PYROXD2: variants seen among roughly 807,000 people sequenced by gnomAD.
PYROXD2 encodes pyridine nucleotide-disulphide oxidoreductase domain 2.
PYROXD2 carries 69 observed loss-of-function variants against 71.1 expected under a neutral mutation model. The ratio of observed to expected loss-of-function variants is 0.97; its 90% CI spans 0.80 to 1.19. The LOEUF (loss-of-function observed/expected upper bound fraction) is 1.19. Ranked by LOEUF, PYROXD2 falls within the 50% of genes most tolerant of loss-of-function variation. PYROXD2 has a pLI of 0.00. For missense variants in PYROXD2, 745 were observed against 748.9 expected, an observed-to-expected ratio of 0.99 and a Z score of 0.06; for synonymous variants, 287 against 302.7, an observed-to-expected ratio of 0.95 and a Z score of 0.54.
intron 14 of PYROXD2, among the ~76,000 whole-genome samples, chr10:98,386,123 A>G (rs1157844914): frequency 6.6e-6 from 1 of 152,020 alleles, no homozygotes; most frequent in Non-Finnish European, 1.5e-5. Flanking sequence ...AAAAAAAAAA[A>G]AAAATTAGCC....
At position 98,391,907 on chromosome 10, in the gene PYROXD2, C is replaced by T. The variant is rs117590707; in HGVS notation, c.1062+525G>A. Among the ~76,000 whole-genome samples, 924 of 152,220 alleles carry T rather than the reference C, an allele frequency of 6.1e-3. 15 individuals carry two copies. The East Asian group carries it at 0.065, about 11-fold the overall frequency. On this transcript the variant is annotated intron_variant, in intron 10 of 15. Coordinates refer to ENST00000370575, the MANE Select transcript of PYROXD2 (RefSeq NM_032709.3). ...TCCCAGGCACATGAAGGAGTCCCGC[C>T]AAGATCAGCAGCCGGCAAGCTGACC...
chr10:98,383,981 G>C (rs887128082), intron 15 of PYROXD2, 113 bp from the exon 16 acceptor site: 2 of 909,424 alleles, frequency 2.2e-6, no homozygotes, highest in African/African-American at 1.6e-5. Flanking sequence ...TGGTTAGAGG[G>C]GTCCGGGGGC....
At chr10:98,404,449 T>C (rs115440664) in intron 4 of PYROXD2, among the ~76,000 whole-genome samples, 2,625 of 152,306 alleles carry the variant, frequency 0.017, 81 homozygotes, top group African/African-American at 0.058. Context: ...GTTTTTCTTT[T>C]AACAATAGGT....
chr10:98,383,617 G>T lies in PYROXD2; in HGVS notation c.*181C>A. The T allele has an allele frequency of 1.5e-6, 1 of 665,628 alleles. No homozygotes were observed. Among genetic ancestry groups the T allele is most frequent in the South Asian group, 1.8e-5 (1 of 55,816 alleles). The allele number at this position is 665,628 out of a possible 1,614,324, so 41.2% of individuals were successfully genotyped here. A position where few individuals can be genotyped will look rare whatever the true frequency, so the allele number is the denominator to read the frequency against. ...AAAACAGAACCAGTCCATGTATGGA[G>T]GCATGGGCATAAGGTCAACTTGCAC... On this transcript the variant is annotated 3_prime_UTR_variant, in exon 16 of 16. Transcript: ENST00000370575.
chr10:98,395,302 C>T lies in PYROXD2; in HGVS notation c.688-9G>A. 3 of 1,614,156 alleles carry T rather than the reference C, an allele frequency of 1.9e-6. No individual in the cohort carries two copies. Among genetic ancestry groups the T allele is most frequent in the South Asian group, 1.1e-5 (1 of 91,086 alleles). On this transcript the variant is annotated splice_polypyrimidine_tract_variant and intron_variant, in intron 7 of 15. Coordinates refer to ENST00000370575, the MANE Select transcript of PYROXD2 (RefSeq NM_032709.3). ...AACCACTGATCCAGCACCTGGACAG[C>T]ACAACAGCAGAGAGAAGGGCTTAGG...
intron 13 of PYROXD2, 126 bp from the exon 14 acceptor site, chr10:98,387,433 T>C (rs1842790612): frequency 6.2e-6 from 4 of 645,522 alleles, no homozygotes; most frequent in South Asian, 2.0e-5. Flanking sequence ...TTTTATCATA[T>C]GCAAATTATA....
intron 5 of PYROXD2, 66 bp downstream of exon 5, chr10:98,400,036 A>T: frequency 6.4e-7 from 1 of 1,571,208 alleles, no homozygotes; most frequent in Non-Finnish European, 8.6e-7. Context: ...TTCTAGGACA[A>T]TCCAACCAGG....
Position 98,400,220 on chromosome 10 carries a change from G to T in PYROXD2, c.353C>A (p.Ser118Tyr), listed in dbSNP as rs2135988327. 2 of 1,612,318 alleles carry T rather than the reference G, an allele frequency of 1.2e-6. No homozygotes were observed. Among genetic ancestry groups the T allele is most frequent in the Non-Finnish European group, 1.7e-6 (2 of 1,179,068 alleles). ...ACCCTCTTCCAGCATGGGGGTGAAG[G>T]AGTAGGGGTTTCGAAGATGAAGCCT... Reference protein sequence around the residue: ...GLRLHLRNPYSFTPMLEEGAG... With the variant: ...GLRLHLRNPYYFTPMLEEGAG... The change falls in exon 5 of 16, where the codon TCC becomes TAC. Residue 118 changes from serine (S) to tyrosine (Y), a missense_variant. Physicochemically the swap from Ser to Tyr is moderately radical, Grantham distance 144. Coordinates refer to ENST00000370575, the MANE Select transcript of PYROXD2 (RefSeq NM_032709.3).
chr10:98,407,684 C>A, intron 3 of PYROXD2, 29 bp from the exon 4 acceptor site: 1 of 1,595,804 alleles, frequency 6.3e-7, no homozygotes, highest in Non-Finnish European at 8.5e-7. Context: ...AAGACTGTCA[C>A]CAGGGGTCAC....
At chr10:98,405,730 G>A (rs1164685207) in intron 4 of PYROXD2, among the ~76,000 whole-genome samples, 8 of 152,290 alleles carry the variant, frequency 5.3e-5, no homozygotes, top group Non-Finnish European at 1.0e-4. Flanking sequence ...CACGTTCACC[G>A]CAAAGTACCA....
intron 9 of PYROXD2, 44 bp downstream of exon 9, chr10:98,392,898 G>C: frequency 6.3e-7 from 1 of 1,598,318 alleles, no homozygotes. Context: ...GTTCTGTCCT[G>C]GGATCCTTAC....
Position 98,415,039 on chromosome 10 carries a change from G to A in PYROXD2, c.97C>T (p.Pro33Ser). The A allele has an allele frequency of 6.2e-7, 1 of 1,613,864 alleles. No individual in the cohort carries two copies. Among genetic ancestry groups the A allele is most frequent in the East Asian group, 2.2e-5 (1 of 44,862 alleles). ...DNTEARGGLK[P>S]EYDAVVIGAG... is the part of the protein sequence containing the mutation. ...CCTATCACCACCGCATCATACTCAG[G>A]CTTCAGACCTCCCCTGGCTTCCGTG... The change falls in exon 1 of 16, where the codon CCT becomes TCT. Residue 33 changes from proline to serine, a missense_variant. By Grantham distance (74) the Pro-to-Ser change is moderately conservative. Transcript: ENST00000370575.
intron 14 of PYROXD2, among the ~76,000 whole-genome samples, chr10:98,386,810 C>T (rs899933161): frequency 2.6e-5 from 4 of 152,118 alleles, no homozygotes; most frequent in African/African-American, 7.2e-5. Flanking sequence ...GGCGATTGAA[C>T]CTGGCCTCCT....
Position 98,390,637 on chromosome 10 carries a change from T to C in PYROXD2, c.1253A>G (p.Gln418Arg). 2 of 1,610,536 alleles carry C rather than the reference T, an allele frequency of 1.2e-6. No homozygotes were observed. The highest frequency in any genetic ancestry group is 8.5e-7 in the Non-Finnish European group (1 of 1,177,922). Residue 418 changes from glutamine to arginine, a missense_variant, in exon 12 of 16, where the codon CAG becomes CGG. Gln to Arg is a conservative substitution (Grantham distance 43). Coordinates refer to ENST00000370575, the MANE Select transcript of PYROXD2 (RefSeq NM_032709.3). The part of the protein sequence containing the change: ...LNCEDTLLLH[Q>R]AFEDAMDGLP... ...GCCATCCATGGCATCTTCAAAGGCC[T>C]GATGAAGGAGGAGGGTGTCTTCACA...
chr10:98,387,156 G>A, intron 14 of PYROXD2, 45 bp downstream of exon 14: 2 of 1,401,510 alleles, frequency 1.4e-6, no homozygotes, highest in Non-Finnish European at 2.0e-6. Flanking sequence ...AAGTGAGGGT[G>A]CAGAGGGAAG....
In PYROXD2 at chr10:98,411,261, T is replaced by C. The variant is rs1843777727; in HGVS notation, c.128-303A>G. 4 of 422,440 alleles carry C rather than the reference T, an allele frequency of 9.5e-6. No homozygotes were observed. The South Asian group carries it at 1.5e-4, about 16-fold the overall frequency. 26.2% of individuals were successfully genotyped at this position (422,440 alleles called of 1,614,324 possible). ...ATGAGAGCATCGCCAGGGCTTCCAT[T>C]GCTTGGGAGGCGCAAGTGATGGTGT... is the stretch of plus-strand genomic sequence containing the variant. On this transcript the variant is annotated intron_variant, in intron 1 of 15. Transcript: ENST00000370575.
At chr10:98,401,411 C>T (rs1843405814) in intron 4 of PYROXD2, among the ~76,000 whole-genome samples, 1 of 151,962 alleles carries the variant, frequency 6.6e-6, no homozygotes, top group African/African-American at 2.4e-5. Context: ...GACTGAAGGC[C>T]CAGCACATTG....
chr10:98,398,974 A>C (rs1315801263), intron 5 of PYROXD2, among the ~76,000 whole-genome samples: 1 of 152,052 alleles, frequency 6.6e-6, no homozygotes, highest in Non-Finnish European at 1.5e-5. Flanking sequence ...TTGTCTCTAC[A>C]AAAAAATTAA....
chr10:98,392,367 C>T (rs1338259917), intron 10 of PYROXD2, 65 bp downstream of exon 10: 7 of 1,578,384 alleles, frequency 4.4e-6, no homozygotes, highest in Non-Finnish European at 4.3e-6. Context: ...CTCCCTCAAT[C>T]CCCACGATTT....
Sources: gnomAD v4.1 joint callset for allele counts (sites outside exome capture counted in the v4.1 genomes callset) on GRCh38, gnomAD v4.1.1 for gene constraint, MANE v1.5 for transcripts, NCBI Gene and HGNC (gene_info 2026-07-23, HGNC 2026-07-21) for gene names.